The following EIF2AK2 variants were observed in gnomAD, a reference collection of about 807,000 sequenced individuals.
EIF2AK2 encodes eukaryotic translation initiation factor 2 alpha kinase 2.
In EIF2AK2, 40 loss-of-function variants were observed where a neutral mutation model predicts 70.5. The observed-to-expected ratio is 0.57, with a 90% confidence interval of 0.44 to 0.74. EIF2AK2 has a LOEUF of 0.74. Ranked by LOEUF, EIF2AK2 falls within the 30% of genes least tolerant of loss-of-function variation. The pLI, the probability that EIF2AK2 is intolerant of heterozygous loss-of-function variation, is 0.00. For synonymous variants in EIF2AK2, 198 were observed against 220.9 expected, an observed-to-expected ratio of 0.90 and a Z score of 0.92; for missense variants, 555 against 644.3, an observed-to-expected ratio of 0.86 and a Z score of 1.50.
intron 1 of EIF2AK2, among the ~76,000 whole-genome samples, chr2:37,150,142 A>T (rs997881458): frequency 2.0e-5 from 1 of 50,608 alleles, no homozygotes; most frequent in African/African-American, 4.6e-5. Flanking sequence ...AAGTGACGGT[A>T]AAAAAAAAAA....
intron 1 of EIF2AK2, among the ~76,000 whole-genome samples, chr2:37,156,700 G>A (rs909448900): frequency 6.6e-6 from 1 of 152,148 alleles, no homozygotes; most frequent in African/African-American, 2.4e-5. Flanking sequence ...CCCTGGATTT[G>A]GGGAGGGCCC....
At chr2:37,156,829 G>C (rs1675947345) in intron 1 of EIF2AK2, 79 bp downstream of exon 1, 1 of 155,526 alleles carries the variant, frequency 6.4e-6, no homozygotes, top group South Asian at 1.7e-4. Context: ...TCCCGCCCCG[G>C]CTGGGCCTGC....
At chr2:37,148,800 TA>T in intron 2 of EIF2AK2, 56 bp downstream of exon 2, 1 of 824,716 alleles carries the variant, frequency 1.2e-6, no homozygotes. Context: ...AATTTGCATG[TA>T]ATTGACTTAG....
intron 4 of EIF2AK2, among the ~76,000 whole-genome samples, chr2:37,142,810 G>A (rs1675380359): frequency 1.3e-5 from 2 of 151,962 alleles, no homozygotes; most frequent in African/African-American, 2.4e-5. Flanking sequence ...ACTATCTCCT[G>A]GTTTATAATG....
chr2:37,139,137 G>A (rs1675233285), intron 6 of EIF2AK2, among the ~76,000 whole-genome samples: 1 of 151,682 alleles, frequency 6.6e-6, no homozygotes, highest in Non-Finnish European at 1.5e-5. Flanking sequence ...CCAACATAGT[G>A]AAACCCCATC....
chr2:37,141,412 C>A, intron 5 of EIF2AK2, 141 bp downstream of exon 5: 1 of 1,014,590 alleles, frequency 9.9e-7, no homozygotes. Context: ...AATTATAAAT[C>A]CAATTACTTA....
At chr2:37,147,559 G>A (rs899104002) in intron 3 of EIF2AK2, 129 bp downstream of exon 3, 8 of 454,478 alleles carry the variant, frequency 1.8e-5, no homozygotes, top group South Asian at 8.4e-5. Context: ...GAGAACATGC[G>A]GTGTTTGGTT....
intron 1 of EIF2AK2, among the ~76,000 whole-genome samples, chr2:37,152,241 C>G (rs1318048794): frequency 1.3e-5 from 2 of 152,154 alleles, no homozygotes; most frequent in African/African-American, 4.8e-5. Flanking sequence ...CTTAATTCTT[C>G]TTGGAAAGCT....
chr2:37,117,555 C>A (rs539711928), intron 13 of EIF2AK2, among the ~76,000 whole-genome samples: 1 of 152,152 alleles, frequency 6.6e-6, no homozygotes, highest in Admixed American at 6.5e-5. Context: ...GAAATAAAAA[C>A]AATAATGCCA....
At chr2:37,126,727 C>T (rs1243118747) in intron 10 of EIF2AK2, among the ~76,000 whole-genome samples, 8 of 152,042 alleles carry the variant, frequency 5.3e-5, no homozygotes, top group Non-Finnish European at 1.2e-4. Context: ...GAGGCCAAGG[C>T]AGGTGGATCA....
intron 1 of EIF2AK2, among the ~76,000 whole-genome samples, chr2:37,150,944 C>T (rs1380497574): frequency 6.6e-6 from 1 of 151,994 alleles, no homozygotes; most frequent in Non-Finnish European, 1.5e-5. Flanking sequence ...AAATTATAAA[C>T]AAAATTTAGA....
At position 37,148,856 on chromosome 2, in the gene EIF2AK2, C is replaced by T; in HGVS notation, c.-17+1G>A. 1 of 846,426 alleles carries T rather than the reference C, an allele frequency of 1.2e-6. No individual in the cohort carries two copies. Among genetic ancestry groups the T allele is most frequent in the Non-Finnish European group, 2.1e-6 (1 of 480,858 alleles). The allele number at this position is 846,426 out of a possible 1,614,324, so 52.4% of individuals were successfully genotyped here. On this transcript the variant is annotated splice_donor_variant, in intron 2 of 16. Transcript: ENST00000233057. LOFTEE classifies it low-confidence loss of function (5UTR_SPLICE). Reference sequence around the variant, plus strand: ...TGCAAAATTCGGAAGACCGCTTGTACCTGGTTGGAAGCTTTGTCCAAAATG... The same window carrying T: ...TGCAAAATTCGGAAGACCGCTTGTATCTGGTTGGAAGCTTTGTCCAAAATG...
At chr2:37,153,222 A>G (rs1675806257) in intron 1 of EIF2AK2, among the ~76,000 whole-genome samples, 2 of 152,166 alleles carry the variant, frequency 1.3e-5, no homozygotes, top group South Asian at 2.1e-4. Context: ...TACATTCACA[A>G]TGTTGTGTAG....
chr2:37,125,999 C>T (rs182044922), intron 11 of EIF2AK2, among the ~76,000 whole-genome samples: 151 of 152,278 alleles, frequency 9.9e-4, no homozygotes, highest in Non-Finnish European at 1.7e-3. Context: ...TTTTAAAATA[C>T]GGAGCATTTC....
At chr2:37,138,237 A>G in intron 8 of EIF2AK2, 33 bp downstream of exon 8, 4 of 1,507,420 alleles carry the variant, frequency 2.7e-6, no homozygotes, top group Non-Finnish European at 3.6e-6. Flanking sequence ...GAAAAATAAG[A>G]TTAAGTAGGA....
intron 1 of EIF2AK2, among the ~76,000 whole-genome samples, chr2:37,152,949 C>T (rs1024364341): frequency 1.3e-5 from 2 of 152,116 alleles, no homozygotes; most frequent in Non-Finnish European, 2.9e-5. Flanking sequence ...ATTTCCTCTC[C>T]CTGCCTTCTA....
intron 9 of EIF2AK2, chr2:37,136,632 C>A: frequency 6.2e-6 from 1 of 160,850 alleles, no homozygotes; most frequent in South Asian, 1.9e-4. Context: ...TTTTTTAATC[C>A]AAGTTTTTAT....
intron 11 of EIF2AK2, among the ~76,000 whole-genome samples, chr2:37,123,374 C>G (rs756884788): frequency 4.0e-5 from 6 of 151,898 alleles, no homozygotes; most frequent in East Asian, 3.9e-4. Context: ...TCAAACAATT[C>G]TCCCACCTCA....
chr2:37,156,959 G>C lies in EIF2AK2; in HGVS notation c.-235C>G, dbSNP rs947434734. On this transcript the variant is annotated 5_prime_UTR_variant, in exon 1 of 17. Transcript: ENST00000233057. ...CCGCCGGCCGGAGACCCGCGGCTTC[G>C]GGAGAGCTGGTTCTCAGTTTCGTTT... 1.6e-5 allele frequency: 3 copies of C among 185,546 alleles called. No individual in the cohort carries two copies. The highest frequency in any genetic ancestry group is 6.3e-5 in the Admixed American group (1 of 15,862). The allele number at this position is 185,546 out of a possible 1,614,324, so 11.5% of individuals were successfully genotyped here.
Sources: allele counts gnomAD v4.1 joint callset (sites outside exome capture counted in the v4.1 genomes callset), GRCh38; gene constraint gnomAD v4.1.1; transcripts MANE v1.5; gene names NCBI Gene and HGNC (gene_info 2026-07-23, HGNC 2026-07-21).